Variants in AOC3 observed in about 807,000 individuals in gnomAD.
AOC3 encodes the protein amine oxidase [copper-containing] 3.
AOC3 carries 47 observed loss-of-function variants against 55.4 expected under a neutral mutation model. The observed-to-expected ratio is 0.85, with a 90% CI of 0.67 to 1.08. AOC3 has a LOEUF of 1.08. Ranked by LOEUF, AOC3 falls within the 50% of genes least tolerant of loss-of-function variation. AOC3 has a pLI of 0.00. For missense variants in AOC3, 853 were observed against 993.1 expected (o/e 0.86, Z 1.90); for synonymous variants, 386 against 410.7 (o/e 0.94, Z 0.73).
At position 42,852,373 on chromosome 17, in the gene AOC3, T is replaced by C. The variant is rs949585153; in HGVS notation, c.1030T>C (p.Phe344Leu). The change falls in exon 1 of 4, where the codon TTC becomes CTC. Residue 344 changes from phenylalanine to leucine, a missense_variant. Transcript: ENST00000308423. ...LWTFSFGLGAFSGPRIFDVRF... is the reference protein window; with the variant it reads ...LWTFSFGLGALSGPRIFDVRF... ...GACTTTCTCCTTTGGCCTCGGAGCA[T>C]TCAGTGGCCCAAGGATCTTTGACGT... The C allele has an allele frequency of 6.2e-7, 1 of 1,614,130 alleles. No individual in the cohort carries two copies. Among genetic ancestry groups the C allele is most frequent in the East Asian group, 2.2e-5 (1 of 44,872 alleles).
In AOC3 at chr17:42,851,485, G is replaced by A. The variant is rs377154463; in HGVS notation, c.142G>A (p.Ala48Thr). The part of the protein sequence containing the change: ...LPHCPSVSPS[A>T]QPWTHPGQSQ... ...CCATTGCCCCTCTGTATCTCCCAGT[G>A]CCCAGCCTTGGACACACCCTGGCCA... is the stretch of plus-strand genomic sequence containing the variant. Residue 48 changes from alanine (A) to threonine (T), a missense_variant, in exon 1 of 4, where the codon GCC becomes ACC. Physicochemically the swap from Ala to Thr is moderately conservative, Grantham distance 58. Transcript: ENST00000308423. 3.7e-6 allele frequency: 6 copies of A among 1,614,220 alleles called. No homozygotes were observed. In the African/African-American group the frequency reaches 4.0e-5, roughly 11 times the overall value.
intron 3 of AOC3, among the ~76,000 whole-genome samples, chr17:42,855,915 A>T (rs1466835999): frequency 6.6e-6 from 1 of 152,090 alleles, no homozygotes; most frequent in African/African-American, 2.4e-5. Context: ...TGAATTTCAC[A>T]ATGTTGGCCT....
chr17:42,855,490 A>G lies in AOC3; in HGVS notation c.1933A>G (p.Ser645Gly). 1.2e-6 allele frequency: 2 copies of G among 1,612,830 alleles called. No individual in the cohort carries two copies. Among genetic ancestry groups the G allele is most frequent in the Non-Finnish European group, 1.7e-6 (2 of 1,179,594 alleles). Residue 645 changes from serine (S) to glycine (G), a missense_variant, in exon 3 of 4, where the codon AGC (serine) becomes GGC (glycine). Transcript: ENST00000308423. The stretch of plus-strand genomic sequence containing the variant: ...GCGGAAGGAGGAGGAGCCCAGTAGC[A>G]GCAGCGTTTTCAATCAGAATGACCC... ...TQRKEEEPSS[S>G]SVFNQNDPWA... is the part of the protein sequence containing the mutation.
Position 42,851,261 on chromosome 17 carries a change from G to A in AOC3, c.-83G>A. On this transcript the variant is annotated 5_prime_UTR_variant, in exon 1 of 4. Coordinates refer to ENST00000308423, the MANE Select transcript of AOC3 (RefSeq NM_003734.4). ...GTCCGGGAGCCCCCCACCCCGTCCAGGAGCCAACAGAGCCCCCGTCTTGCT... is the reference window on the plus strand; with the variant it reads ...GTCCGGGAGCCCCCCACCCCGTCCAAGAGCCAACAGAGCCCCCGTCTTGCT... 2 of 1,407,874 alleles carry A rather than the reference G, an allele frequency of 1.4e-6. No individual in the cohort carries two copies. Among genetic ancestry groups the A allele is most frequent in the Non-Finnish European group, 1.9e-6 (2 of 1,049,058 alleles). The allele number at this position is 1,407,874 out of a possible 1,614,324, so 87.2% of individuals were successfully genotyped here.
intron 3 of AOC3, among the ~76,000 whole-genome samples, chr17:42,856,035 C>T (rs558989770): frequency 6.6e-6 from 1 of 152,280 alleles, no homozygotes; most frequent in Admixed American, 6.5e-5. Flanking sequence ...GTGGGTGTCA[C>T]CCTCTGGGGG....
At position 42,856,365 on chromosome 17, in the gene AOC3, T is replaced by C. The variant is rs1223977860; in HGVS notation, c.2107T>C (p.Phe703Leu). The C allele has an allele frequency of 9.3e-6, 15 of 1,614,098 alleles. No homozygotes were observed. Among genetic ancestry groups the C allele is most frequent in the East Asian group, 2.2e-5 (1 of 44,904 alleles). ...NTVTVGNGVG[F>L]FLRPYNFFDE... Reference sequence around the variant, plus strand: ...AGTGACTGTGGGGAACGGCGTGGGCTTCTTCCTCCGACCCTATAACTTCTT... The same window carrying C: ...AGTGACTGTGGGGAACGGCGTGGGCCTCTTCCTCCGACCCTATAACTTCTT... The change falls in exon 4 of 4, where the codon TTC (phenylalanine) becomes CTC (leucine). Residue 703 changes from phenylalanine (F) to leucine (L), a missense_variant. By Grantham distance (22) the Phe-to-Leu change is conservative. Transcript: ENST00000308423.
intron 1 of AOC3, 199 bp downstream of exon 1, chr17:42,853,142 C>G (rs372995445): frequency 2.2e-6 from 3 of 1,380,844 alleles, no homozygotes; most frequent in South Asian, 3.2e-5. Flanking sequence ...TGCAGCCTTC[C>G]TCTACGTGAC....
rs2144305808 is a variant in AOC3, at chr17:42,855,436, C to T, written c.1887-8C>T. 2 of 1,599,564 alleles carry T rather than the reference C, an allele frequency of 1.3e-6. No homozygotes were observed. The highest frequency in any genetic ancestry group is 2.3e-5 in the South Asian group (2 of 88,668). On this transcript the variant is annotated splice_polypyrimidine_tract_variant and splice_region_variant and intron_variant, in intron 2 of 3. Coordinates refer to ENST00000308423, the MANE Select transcript of AOC3 (RefSeq NM_003734.4). ...ATGGCCATGGAGGCCTGACCAGTGC[C>T]TCCCTAGGTACCAGCTGGCTGTGAC...
In AOC3 at chr17:42,851,394, C is replaced by G. The variant is rs1256093109; in HGVS notation, c.51C>G (p.Ile17Met). The change falls in exon 1 of 4, where the codon ATC (isoleucine) becomes ATG (methionine). Residue 17 changes from isoleucine (I) to methionine (M), a missense_variant. Physicochemically the swap from Ile to Met is conservative, Grantham distance 10. Transcript: ENST00000308423. Reference protein sequence around the residue: ...LVLLILAVITIFALVCVLLVG... With the variant: ...LVLLILAVITMFALVCVLLVG... ...TCCTCATTCTGGCCGTCATCACCAT[C>G]TTTGCCTTGGTTTGTGTCCTGCTGG... is the stretch of plus-strand genomic sequence containing the variant. 3 of 1,612,836 alleles carry G rather than the reference C, an allele frequency of 1.9e-6. No individual in the cohort carries two copies. Among genetic ancestry groups the G allele is most frequent in the East Asian group, 2.2e-5 (1 of 44,866 alleles).
chr17:42,854,995 C>A (rs184773510), intron 2 of AOC3, among the ~76,000 whole-genome samples: 4 of 151,906 alleles, frequency 2.6e-5, no homozygotes, highest in Non-Finnish European at 4.4e-5. Flanking sequence ...TACAGGTGCA[C>A]GCCACCACAC....
chr17:42,854,955 T>A (rs1487249030), intron 2 of AOC3, among the ~76,000 whole-genome samples: 1 of 151,070 alleles, frequency 6.6e-6, no homozygotes, highest in Non-Finnish European at 1.5e-5. Context: ...CAAGCGATTC[T>A]CCTGCCTCAG....
In AOC3 at chr17:42,852,559, T is replaced by A. The variant is rs36036014; in HGVS notation, c.1216T>A (p.Tyr406Asn). 6.4e-4 allele frequency: 1,026 copies of A among 1,614,214 alleles called. 4 individuals carry two copies. The African/African-American group carries it at 0.013, about 20-fold the overall frequency. Residue 406 changes from tyrosine to asparagine, a missense_variant, in exon 1 of 4, where the codon TAC (tyrosine) becomes AAC (asparagine). Tyr to Asn is a moderately radical substitution (Grantham distance 143). Transcript: ENST00000308423. ...CCTGACCCGTGGGGTGGACTGCCCC[T>A]ACTTGGCCACCTACGTGGACTGGCA... ...TPLTRGVDCP[Y>N]LATYVDWHFL...
In AOC3 at chr17:42,851,784, T is replaced by G. The variant is rs776289946; in HGVS notation, c.441T>G (p.Pro147=). 2.4e-5 allele frequency: 38 copies of G among 1,612,858 alleles called. No individual in the cohort carries two copies. The highest frequency in any genetic ancestry group is 3.1e-5 in the Non-Finnish European group (36 of 1,179,678). The part of the protein sequence containing the change: ...NVSELVVGPL[P]HPSYMRDVTV... ...GTGAGCTGGTGGTGGGGCCACTGCCTCACCCCTCCTACATGCGGGACGTGA... is the reference window on the plus strand; with the variant it reads ...GTGAGCTGGTGGTGGGGCCACTGCCGCACCCCTCCTACATGCGGGACGTGA... The change falls in exon 1 of 4, where the codon CCT becomes CCG. Residue 147 remains proline (P), a synonymous_variant. Coordinates refer to ENST00000308423, the MANE Select transcript of AOC3 (RefSeq NM_003734.4).
At chr17:42,855,814 TC>T (rs1239747757) in intron 3 of AOC3, among the ~76,000 whole-genome samples, 1 of 152,172 alleles carries the variant, frequency 6.6e-6, no homozygotes. Flanking sequence ...ATGGACTGAG[TC>T]CTTTCCAGGC....
chr17:42,854,773 G>A, intron 2 of AOC3, 40 bp downstream of exon 2: 2 of 1,448,346 alleles, frequency 1.4e-6, no homozygotes, highest in Admixed American at 2.5e-5. Context: ...GGCAGTGAGA[G>A]TGGGAAAGGA....
Position 42,855,549 on chromosome 17 carries a change from C to T in AOC3, c.1992C>T (p.Ile664=), listed in dbSNP as rs916998760. The T allele has an allele frequency of 1.2e-6, 2 of 1,614,022 alleles. No homozygotes were observed. Among genetic ancestry groups the T allele is most frequent in the Middle Eastern group, 1.6e-4 (1 of 6,084 alleles). Reference sequence around the variant, plus strand: ...CCACTGTGGATTTCAGTGACTTCATCAACAATGAGACCATTGCTGGAAAGG... The same window carrying T: ...CCACTGTGGATTTCAGTGACTTCATTAACAATGAGACCATTGCTGGAAAGG... The part of the protein sequence containing the change: ...WAPTVDFSDF[I]NNETIAGKDL... Residue 664 remains isoleucine, a synonymous_variant, in exon 3 of 4, where the codon ATC becomes ATT. Transcript: ENST00000308423.
At position 42,856,629 on chromosome 17, in the gene AOC3, G is replaced by A. The variant is rs370532033; in HGVS notation, c.*79G>A. 3.6e-5 allele frequency: 49 copies of A among 1,343,710 alleles called. No homozygotes were observed. The African/African-American group carries it at 4.8e-4, about 13-fold the overall frequency. The allele number at this position is 1,343,710 out of a possible 1,614,324, so 83.2% of individuals were successfully genotyped here. ...ATGGGGAGCAGCTGGGCACTGGGCC[G>A]GCAGCCTGGTTCCCTCTTTCCTGTG... On this transcript the variant is annotated 3_prime_UTR_variant, in exon 4 of 4. Transcript: ENST00000308423.
Position 42,856,637 on chromosome 17 carries a change from G to T in AOC3, c.*87G>T. On this transcript the variant is annotated 3_prime_UTR_variant, in exon 4 of 4. Transcript: ENST00000308423. ...CAGCTGGGCACTGGGCCGGCAGCCT[G>T]GTTCCCTCTTTCCTGTGCCAGGACT... 1 of 1,368,682 alleles carries T rather than the reference G, an allele frequency of 7.3e-7. No individual in the cohort carries two copies. Among genetic ancestry groups the T allele is most frequent in the South Asian group, 1.3e-5 (1 of 74,880 alleles). 84.8% of individuals were successfully genotyped at this position (1,368,682 alleles called of 1,614,324 possible).
intron 3 of AOC3, among the ~76,000 whole-genome samples, chr17:42,856,033 C>T (rs970706405): frequency 1.3e-5 from 2 of 152,174 alleles, no homozygotes; most frequent in South Asian, 2.1e-4. Flanking sequence ...CTGTGGGTGT[C>T]ACCCTCTGGG....
Sources: gnomAD v4.1 joint callset for allele counts (sites outside exome capture counted in the v4.1 genomes callset) on GRCh38, gnomAD v4.1.1 for gene constraint, MANE v1.5 for transcripts, NCBI Gene and HGNC (gene_info 2026-07-23, HGNC 2026-07-21) for gene names.